MDGA2: variants seen among roughly 807,000 people sequenced by gnomAD.
MDGA2 encodes MAM domain containing glycosylphosphatidylinositol anchor 2.
A neutral mutation model predicts 117.8 loss-of-function variants in MDGA2; 40 were observed. The observed-to-expected ratio is 0.34, with a 90% confidence interval of 0.26 to 0.44. MDGA2 has a LOEUF of 0.44. MDGA2 is among the 20% of genes least tolerant of loss of function. The probability of loss-of-function intolerance (pLI) is 1.00; values close to 1 mark genes in which losing one functional copy is unlikely to be tolerated. For missense variants in MDGA2, 1,123 were observed against 1,250.6 expected, an observed-to-expected ratio of 0.90 and a Z score of 1.54; for synonymous variants, 452 against 439.0, an observed-to-expected ratio of 1.03 and a Z score of -0.37.
At chr14:47,383,574 T>C (rs1250145850) in intron 1 of MDGA2, among the ~76,000 whole-genome samples, 1 of 152,154 alleles carries the variant, frequency 6.6e-6, no homozygotes, top group Admixed American at 6.6e-5. Context: ...GGTCTCACTT[T>C]CTCGCCCAGG....
intron 1 of MDGA2, among the ~76,000 whole-genome samples, chr14:47,551,279 C>A (rs193218703): frequency 2.2e-4 from 34 of 152,202 alleles, no homozygotes; most frequent in Non-Finnish European, 7.4e-5. Flanking sequence ...ACAGACCAGC[C>A]TTTAACTTAT....
intron 16 of MDGA2, among the ~76,000 whole-genome samples, chr14:46,844,452 G>T (rs1485612511): frequency 6.6e-6 from 1 of 151,900 alleles, no homozygotes; most frequent in Non-Finnish European, 1.5e-5. Flanking sequence ...GTGGTGCCGC[G>T]AGTCTGTAAT....
At chr14:47,447,223 A>G (rs536635529) in intron 1 of MDGA2, among the ~76,000 whole-genome samples, 84 of 152,242 alleles carry the variant, frequency 5.5e-4, no homozygotes, top group Admixed American at 2.6e-4. Context: ...CGCATACCCT[A>G]CTGTGGCTTG....
rs146990759 is a variant in MDGA2 at position 47,023,448 on chromosome 14, T to C, written c.1819+11563A>G. Among the ~76,000 whole-genome samples, 13 of 152,278 alleles carry C rather than the reference T, an allele frequency of 8.5e-5. No homozygotes were observed. The East Asian group carries it at 2.5e-3, about 30-fold the overall frequency. On this transcript the variant is annotated intron_variant, in intron 8 of 16. Transcript: ENST00000399232. Reference sequence around the variant, plus strand: ...GTCAAACACTGGTCTAAATGCTTTTTAGGCATCATCTAATTTAATCCTCAG... The same window carrying C: ...GTCAAACACTGGTCTAAATGCTTTTCAGGCATCATCTAATTTAATCCTCAG...
At chr14:47,509,322 G>T (rs1894589025) in intron 1 of MDGA2, among the ~76,000 whole-genome samples, 1 of 152,226 alleles carries the variant, frequency 6.6e-6, no homozygotes, top group Non-Finnish European at 1.5e-5. Context: ...TAAGGACAAT[G>T]AGTTAAAAAA....
intron 7 of MDGA2, chr14:47,059,159 A>C (rs534433455): frequency 1.2e-6 from 1 of 821,940 alleles, no homozygotes; most frequent in East Asian, 7.4e-5. Flanking sequence ...TGCATAAATT[A>C]GTCATTTTGT....
intron 1 of MDGA2, among the ~76,000 whole-genome samples, chr14:47,398,032 T>C (rs1892052705): frequency 6.6e-6 from 1 of 152,146 alleles, no homozygotes; most frequent in Non-Finnish European, 1.5e-5. Context: ...ATGGAACCAT[T>C]ATTAACCTAA....
intron 2 of MDGA2, among the ~76,000 whole-genome samples, chr14:47,272,057 A>C (rs913949391): frequency 6.6e-6 from 1 of 152,182 alleles, no homozygotes; most frequent in African/African-American, 2.4e-5. Context: ...AAGTCAAATG[A>C]AAATGCTTAG....
intron 3 of MDGA2, among the ~76,000 whole-genome samples, chr14:47,214,461 A>G (rs1315467283): frequency 6.6e-6 from 1 of 152,142 alleles, no homozygotes; most frequent in Non-Finnish European, 1.5e-5. Flanking sequence ...GATTATAATA[A>G]TTTTTCAAAC....
intron 1 of MDGA2, among the ~76,000 whole-genome samples, chr14:47,493,431 T>C (rs2138658502): frequency 6.6e-6 from 1 of 151,962 alleles, no homozygotes; most frequent in East Asian, 1.9e-4. Flanking sequence ...TTCTCCTGCA[T>C]CAGTCTCCTG....
chr14:47,434,119 TTCTC>T (rs1335164017), intron 1 of MDGA2, among the ~76,000 whole-genome samples: 2 of 152,062 alleles, frequency 1.3e-5, no homozygotes, highest in African/African-American at 4.8e-5. Flanking sequence ...CACATTAAGA[TTCTC>T]TATTTTAGGA....
intron 1 of MDGA2, among the ~76,000 whole-genome samples, chr14:47,378,790 T>G (rs1270973137): frequency 6.6e-6 from 1 of 152,140 alleles, no homozygotes; most frequent in Non-Finnish European, 1.5e-5. Flanking sequence ...TGGAAAACAC[T>G]CTTCAGGATA....
intron 1 of MDGA2, among the ~76,000 whole-genome samples, chr14:47,619,116 T>TATACACACACACACACACAC (rs140667074): frequency 4.4e-5 from 4 of 90,712 alleles, no homozygotes; most frequent in African/African-American, 1.6e-4. Context: ...TCAGTTTAAT[T>TATACACACACACACACACAC]ACACACACAC....
Position 47,520,000 on chromosome 14 carries a change from C to T in MDGA2, c.280+154517G>A, listed in dbSNP as rs149811269. On this transcript the variant is annotated intron_variant, in intron 1 of 16. Coordinates refer to ENST00000399232, the MANE Select transcript of MDGA2 (RefSeq NM_001113498.3). Reference sequence around the variant, plus strand: ...AGCCACTGCTTGAGAACAAGGGGAACTATTTTGGAACAACCTCATATTTTT... The same window carrying T: ...AGCCACTGCTTGAGAACAAGGGGAATTATTTTGGAACAACCTCATATTTTT... 3.9e-3 allele frequency among the ~76,000 whole-genome samples: 594 copies of T among 152,274 alleles called. 4 individuals carry two copies. Among genetic ancestry groups the T allele is most frequent in the African/African-American group, 0.013 (561 of 41,572 alleles).
intron 1 of MDGA2, among the ~76,000 whole-genome samples, chr14:47,635,265 T>C (rs565722536): frequency 3.0e-4 from 46 of 152,214 alleles, no homozygotes; most frequent in African/African-American, 1.1e-3. Flanking sequence ...GTTTTGACCT[T>C]AAGCAGGTCA....
chr14:47,653,280 GA>G (rs1897679295), intron 1 of MDGA2, among the ~76,000 whole-genome samples: 1 of 152,124 alleles, frequency 6.6e-6, no homozygotes, highest in African/African-American at 2.4e-5. Flanking sequence ...AAATACTGTG[GA>G]AGCAATAGTT....
chr14:47,174,862 G>A (rs551659643), intron 3 of MDGA2, among the ~76,000 whole-genome samples: 27 of 151,928 alleles, frequency 1.8e-4, no homozygotes, highest in African/African-American at 6.3e-4. Flanking sequence ...ATCCAGGAGC[G>A]GGTTTTTTGA....
At chr14:47,526,133 T>A (rs997203306) in intron 1 of MDGA2, among the ~76,000 whole-genome samples, 1 of 152,194 alleles carries the variant, frequency 6.6e-6, no homozygotes, top group Non-Finnish European at 1.5e-5. Context: ...AAATTCTCCA[T>A]CTTTTTCTCT....
intron 1 of MDGA2, among the ~76,000 whole-genome samples, chr14:47,631,682 A>G (rs577279567): frequency 2.0e-5 from 3 of 151,978 alleles, no homozygotes; most frequent in Non-Finnish European, 4.4e-5. Context: ...TCCTTTCCCA[A>G]TTGTTTATTT....
Sources: allele counts gnomAD v4.1 joint callset (sites outside exome capture counted in the v4.1 genomes callset), GRCh38; gene constraint gnomAD v4.1.1; transcripts MANE v1.5; gene names NCBI Gene and HGNC (gene_info 2026-07-23, HGNC 2026-07-21).